The following SH3PXD2B variants were observed in gnomAD, a reference collection of about 807,000 sequenced individuals.
The protein encoded by SH3PXD2B is SH3 and PX domains 2B, also known as SH3 and PX domain-containing protein 2B.
SH3PXD2B carries 37 observed loss-of-function variants against 73.1 expected under a neutral mutation model. The observed-to-expected ratio is 0.51, with a 90% CI of 0.39 to 0.67. SH3PXD2B has a LOEUF of 0.67. Ranked by LOEUF, SH3PXD2B falls within the 30% of genes least tolerant of loss-of-function variation. The pLI, the probability that SH3PXD2B is intolerant of heterozygous loss-of-function variation, is 0.00. For synonymous variants in SH3PXD2B, 457 were observed against 480.5 expected (o/e 0.95, Z 0.64); for missense variants, 1,053 against 1,197.8 (o/e 0.88, Z 1.78).
At chr5:172,397,883 C>A (rs1453618090) in intron 3 of SH3PXD2B, among the ~76,000 whole-genome samples, 1 of 152,194 alleles carries the variant, frequency 6.6e-6, no homozygotes, top group African/African-American at 2.4e-5. Flanking sequence ...GATTACTAAA[C>A]CCCTCCCAGT....
downstream of SH3PXD2B, among the ~76,000 whole-genome samples, chr5:172,329,079 A>ATTTT (rs1386540665): frequency 5.2e-3 from 336 of 64,418 alleles, 2 homozygotes; most frequent in South Asian, 0.022. Flanking sequence ...ATATATATAT[A>ATTTT]TATATTTTTT....
In SH3PXD2B at chr5:172,373,774, T is replaced by C. The variant is rs760379045; in HGVS notation, c.427+16A>G. The C allele has an allele frequency of 4.3e-5, 70 of 1,612,714 alleles. No homozygotes were observed. Among genetic ancestry groups the C allele is most frequent in the Non-Finnish European group, 5.6e-5 (66 of 1,179,410 alleles). On this transcript the variant is annotated intron_variant, in intron 6 of 12. Coordinates refer to ENST00000311601, the MANE Select transcript of SH3PXD2B (RefSeq NM_001017995.3). ...CGAAAACTGAACGAAGAGAAGAAAA[T>C]AGAAAATATTCTTACCAGATTTCTT...
chr5:172,372,619 C>T (rs1408840887), intron 6 of SH3PXD2B, among the ~76,000 whole-genome samples: 1 of 152,168 alleles, frequency 6.6e-6, no homozygotes, highest in African/African-American at 2.4e-5. Flanking sequence ...CGGCATCAAG[C>T]ATACATTACT....
chr5:172,395,138 A>G (rs2113400589), intron 3 of SH3PXD2B, among the ~76,000 whole-genome samples: 1 of 151,498 alleles, frequency 6.6e-6, no homozygotes, highest in South Asian at 2.1e-4. Context: ...CTGCCTGGAC[A>G]CCTCCCCATG....
intron 10 of SH3PXD2B, among the ~76,000 whole-genome samples, chr5:172,347,555 A>G (rs1757024761): frequency 6.6e-6 from 1 of 152,078 alleles, no homozygotes; most frequent in Non-Finnish European, 1.5e-5. Flanking sequence ...TCTTTTCTAC[A>G]CAGGAATGAA....
At chr5:172,422,531 CAGAA>C in intron 1 of SH3PXD2B, 35 bp from the exon 2 acceptor site, 1 of 1,586,712 alleles carries the variant, frequency 6.3e-7, no homozygotes, top group Non-Finnish European at 8.6e-7. Flanking sequence ...GTGTTAACAC[CAGAA>C]GGTGGTCTCC....
chr5:172,365,456 G>A (rs1243026999), intron 6 of SH3PXD2B, among the ~76,000 whole-genome samples: 1 of 152,202 alleles, frequency 6.6e-6, no homozygotes, highest in East Asian at 1.9e-4. Flanking sequence ...AAGATAAGAT[G>A]ACGGAGGAAG....
In SH3PXD2B at chr5:172,325,393, A is replaced by C. The variant is rs771767410; in HGVS notation, c.1189-13T>G. On this transcript the variant is annotated splice_polypyrimidine_tract_variant and intron_variant, in intron 12 of 12. Coordinates refer to the SH3PXD2B transcript ENST00000519643. ...CATTCTTATGATCCTAGATGAATGCAGGGAGAAAAATCAGCAAATCTTCAG... is the reference window on the plus strand; with the variant it reads ...CATTCTTATGATCCTAGATGAATGCCGGGAGAAAAATCAGCAAATCTTCAG... The C allele has an allele frequency of 7.2e-5, 109 of 1,518,396 alleles. No homozygotes were observed. In the African/African-American group the frequency reaches 1.1e-3, roughly 15 times the overall value. The allele number at this position is 1,518,396 out of a possible 1,614,324, so 94.1% of individuals were successfully genotyped here. A position where few individuals can be genotyped will look rare whatever the true frequency, so the allele number is the denominator to read the frequency against.
chr5:172,431,058 G>A (rs866002397), intron 1 of SH3PXD2B, among the ~76,000 whole-genome samples: 4 of 152,018 alleles, frequency 2.6e-5, no homozygotes, highest in Admixed American at 6.5e-5. Flanking sequence ...ATAGAGACGG[G>A]GTTTCACCAT....
In SH3PXD2B at chr5:172,350,381, C is replaced by T. The variant is rs757123247; in HGVS notation, c.994G>A (p.Asp332Asn). The change falls in exon 10 of 13, where the codon GAC (aspartate) becomes AAC (asparagine). Residue 332 changes from aspartate (D) to asparagine (N), a missense_variant. This residue lies in a region of SH3PXD2B where 466 missense variants were observed against 607.1 expected (regional missense o/e 0.77). Coordinates refer to ENST00000311601, the MANE Select transcript of SH3PXD2B (RefSeq NM_001017995.3). ...DGRFEGRPVP[D>N]GDAKQRSPKM... ...CACTCACTCTGCTTGGCGTCACCGT[C>T]GGGCACCGGGCGGCCTTCAAACCGC... 13 of 1,613,738 alleles carry T rather than the reference C, an allele frequency of 8.1e-6. No individual in the cohort carries two copies. Among genetic ancestry groups the T allele is most frequent in the African/African-American group, 6.7e-5 (5 of 75,034 alleles).
chr5:172,329,789 G>A (rs1050389350), downstream of SH3PXD2B, among the ~76,000 whole-genome samples: 2 of 151,704 alleles, frequency 1.3e-5, no homozygotes, highest in East Asian at 1.9e-4. Flanking sequence ...CGCCCGCCTC[G>A]GCCTCCCAAA....
chr5:172,449,911 G>A (rs956345061), intron 1 of SH3PXD2B, among the ~76,000 whole-genome samples: 6 of 152,260 alleles, frequency 3.9e-5, no homozygotes, highest in African/African-American at 1.2e-4. Context: ...CATAGTAAGC[G>A]ACAGTTAAAA....
intron 1 of SH3PXD2B, among the ~76,000 whole-genome samples, chr5:172,439,688 G>A (rs62387192): frequency 0.15 from 15,643 of 103,068 alleles, 1,040 homozygotes; most frequent in Non-Finnish European, 0.19. Flanking sequence ...GCGCGCACGC[G>A]CGCGCACACA....
At chr5:172,418,713 T>C (rs1758882376) in intron 2 of SH3PXD2B, among the ~76,000 whole-genome samples, 1 of 152,130 alleles carries the variant, frequency 6.6e-6, no homozygotes, top group African/African-American at 2.4e-5. Context: ...TGGAATTCCA[T>C]GACTTTCCCA....
chr5:172,452,673 C>T (rs1296858982), intron 1 of SH3PXD2B, among the ~76,000 whole-genome samples: 1 of 152,148 alleles, frequency 6.6e-6, no homozygotes, highest in East Asian at 1.9e-4. Context: ...AGTATCTATT[C>T]TCGTTTTTGC....
intron 1 of SH3PXD2B, among the ~76,000 whole-genome samples, chr5:172,434,782 G>GTTTTTTTTTTTTTTTTT (rs71577589): frequency 9.0e-5 from 6 of 66,336 alleles, no homozygotes; most frequent in African/African-American, 2.8e-4. Flanking sequence ...ATGGCCAATG[G>GTTTTTTTTTTTTTTTTT]TTTTTTTTTT....
chr5:172,440,726 G>A (rs113215487), intron 1 of SH3PXD2B, among the ~76,000 whole-genome samples: 3 of 152,258 alleles, frequency 2.0e-5, no homozygotes, highest in South Asian at 2.1e-4. Flanking sequence ...TTCCAGCTGC[G>A]AGGCAAGGCC....
At position 172,454,421 on chromosome 5, in the gene SH3PXD2B, G is replaced by A. The variant is rs1759886656; in HGVS notation, c.-69C>T. ...GCGCGGGGTGCAGGGAGCGCTGGGG[G>A]CGCGCCGCCGCGGGCAGGGAACCTG... On this transcript the variant is annotated 5_prime_UTR_variant, in exon 1 of 13. Coordinates refer to ENST00000311601, the MANE Select transcript of SH3PXD2B (RefSeq NM_001017995.3). 18 of 961,916 alleles carry A rather than the reference G, an allele frequency of 1.9e-5. No homozygotes were observed. Among genetic ancestry groups the A allele is most frequent in the Non-Finnish European group, 2.4e-5 (18 of 765,632 alleles). The allele number at this position is 961,916 out of a possible 1,614,324, so 59.6% of individuals were successfully genotyped here. A position where few individuals can be genotyped will look rare whatever the true frequency, so the allele number is the denominator to read the frequency against.
chr5:172,354,038 A>AT, intron 8 of SH3PXD2B, 33 bp from the exon 9 acceptor site: 1 of 1,587,822 alleles, frequency 6.3e-7, no homozygotes. Flanking sequence ...GGGTCAGAAG[A>AT]GGACACCAAG....
Sources: gnomAD v4.1 joint callset for allele counts (sites outside exome capture counted in the v4.1 genomes callset) on GRCh38, gnomAD v4.1.1 for gene constraint, gnomAD v4.1.1 regional missense constraint, MANE v1.5 for transcripts, NCBI Gene and HGNC (gene_info 2026-07-23, HGNC 2026-07-21) for gene names.